SGIP1: variants seen among roughly 807,000 people sequenced by gnomAD.
SGIP1 encodes SH3GL interacting endocytic adaptor 1, also known as SH3-containing GRB2-like protein 3-interacting protein 1.
SGIP1 carries 38 observed loss-of-function variants against 107.5 expected under a neutral mutation model. The observed-to-expected ratio is 0.35, with a 90% CI of 0.27 to 0.46. SGIP1 has a LOEUF of 0.46. Ranked by LOEUF, SGIP1 falls within the 20% of genes least tolerant of loss-of-function variation. The probability of loss-of-function intolerance (pLI) is 1.00; values close to 1 mark genes in which losing one functional copy is unlikely to be tolerated. For missense variants in SGIP1, 929 were observed against 1,019.5 expected (o/e 0.91, Z 1.21); for synonymous variants, 365 against 366.1 (o/e 1.00, Z 0.03).
At chr1:66,621,770 A>G (rs1173344118) in intron 1 of SGIP1, among the ~76,000 whole-genome samples, 1 of 152,214 alleles carries the variant, frequency 6.6e-6, no homozygotes, top group African/African-American at 2.4e-5. Flanking sequence ...TGCAGCCTGT[A>G]TAAGTACTTT....
chr1:66,554,757 G>A (rs984409), intron 1 of SGIP1, among the ~76,000 whole-genome samples: 109,883 of 152,008 alleles, frequency 0.72, 40,443 homozygotes, highest in East Asian at 1. Context: ...CAGAATCTAA[G>A]ACACTTCTGG....
intron 12 of SGIP1, among the ~76,000 whole-genome samples, chr1:66,675,310 G>C (rs2084935887): frequency 6.6e-6 from 1 of 152,076 alleles, no homozygotes; most frequent in East Asian, 1.9e-4. Context: ...CCACCTTTGA[G>C]GCTTGTGGTG....
At chr1:66,733,599 C>T in intron 20 of SGIP1, 149 bp from the exon 21 acceptor site, 2 of 762,702 alleles carry the variant, frequency 2.6e-6, no homozygotes, top group Non-Finnish European at 4.0e-6. Flanking sequence ...TGTATGAAAA[C>T]CACACTACTG....
At chr1:66,547,769 C>T (rs1006671795) in intron 1 of SGIP1, among the ~76,000 whole-genome samples, 5 of 151,926 alleles carry the variant, frequency 3.3e-5, no homozygotes, top group Admixed American at 2.0e-4. Context: ...TCTCAGATTA[C>T]GGTAAAATCA....
At chr1:66,662,628 A>G (rs2081737089) in intron 8 of SGIP1, among the ~76,000 whole-genome samples, 1 of 152,238 alleles carries the variant, frequency 6.6e-6, no homozygotes. Context: ...TTAGAAATAT[A>G]CCACATTCTA....
intron 21 of SGIP1, among the ~76,000 whole-genome samples, chr1:66,736,601 A>C (rs1414836544): frequency 6.9e-6 from 1 of 143,960 alleles, no homozygotes; most frequent in Admixed American, 7.2e-5. Flanking sequence ...ATTATATGTG[A>C]ATATAATATA....
At chr1:66,716,709 A>C (rs1484141310) in intron 18 of SGIP1, among the ~76,000 whole-genome samples, 1 of 152,168 alleles carries the variant, frequency 6.6e-6, no homozygotes, top group Non-Finnish European at 1.5e-5. Context: ...TTTAAATAAT[A>C]AAAATGATGT....
chr1:66,553,748 C>T (rs1271116414), intron 1 of SGIP1, among the ~76,000 whole-genome samples: 1 of 151,976 alleles, frequency 6.6e-6, no homozygotes, highest in Non-Finnish European at 1.5e-5. Flanking sequence ...AATACCTATG[C>T]TCTTCATCAC....
intron 17 of SGIP1, 163 bp from the exon 18 acceptor site, chr1:66,695,271 A>AAAAAAAAAAAAGG: frequency 7.5e-7 from 1 of 1,325,976 alleles, no homozygotes; most frequent in Non-Finnish European, 9.9e-7. Flanking sequence ...AAAAAAAAAA[A>AAAAAAAAAAAAGG]GTGTAGATTG....
intron 1 of SGIP1, among the ~76,000 whole-genome samples, chr1:66,595,505 A>G (rs886372914): frequency 6.6e-6 from 1 of 152,214 alleles, no homozygotes; most frequent in African/African-American, 2.4e-5. Context: ...TTTCACCATA[A>G]TAAGGGTGAT....
rs2091625192 is a variant in SGIP1 at position 66,699,945 on chromosome 1, G to GT, written c.1630+4453dup. On this transcript the variant is annotated intron_variant, in intron 18 of 24. Transcript: ENST00000371037. Reference sequence around the variant, plus strand: ...AAAATAAAAATAATAATGAATATGAGTAACTAACATCTGAGTATTTACCAT... The same window carrying GT: ...AAAATAAAAATAATAATGAATATGAGTTAACTAACATCTGAGTATTTACCAT... Among the ~76,000 whole-genome samples, 3 of 152,250 alleles carry GT rather than the reference G, an allele frequency of 2.0e-5. No individual in the cohort carries two copies. The South Asian group carries it at 6.2e-4, about 32-fold the overall frequency.
intron 13 of SGIP1, among the ~76,000 whole-genome samples, chr1:66,677,605 T>A (rs1352521681): frequency 6.6e-6 from 1 of 152,196 alleles, no homozygotes; most frequent in Non-Finnish European, 1.5e-5. Flanking sequence ...AGTAAATGTA[T>A]GTGAAAGTTG....
chr1:66,582,357 A>C (rs1260168501), intron 1 of SGIP1, among the ~76,000 whole-genome samples: 2 of 152,096 alleles, frequency 1.3e-5, no homozygotes, highest in Non-Finnish European at 2.9e-5. Flanking sequence ...TGAAGGTAGA[A>C]GAACCTTACT....
intron 20 of SGIP1, 29 bp downstream of exon 20, chr1:66,729,448 G>A (rs1213404453): frequency 3.7e-6 from 6 of 1,613,724 alleles, no homozygotes; most frequent in East Asian, 4.5e-5. Context: ...AAATTTTTCA[G>A]AGATACATGT....
intron 5 of SGIP1, among the ~76,000 whole-genome samples, chr1:66,640,651 A>T (rs372396194): frequency 1.3e-5 from 2 of 152,166 alleles, no homozygotes; most frequent in East Asian, 3.9e-4. Flanking sequence ...GCGAAGCTAG[A>T]GAGAGGGGCA....
At chr1:66,732,961 G>A (rs779602104) in intron 20 of SGIP1, among the ~76,000 whole-genome samples, 41 of 152,182 alleles carry the variant, frequency 2.7e-4, no homozygotes, top group South Asian at 8.3e-4. Context: ...TCATTATACG[G>A]GAAATGAGTT....
chr1:66,568,087 C>T (rs2059902214), intron 1 of SGIP1, among the ~76,000 whole-genome samples: 1 of 152,060 alleles, frequency 6.6e-6, no homozygotes, highest in South Asian at 2.1e-4. Flanking sequence ...GTATTAATTA[C>T]TTTGGGTAGT....
chr1:66,599,127 A>T (rs1396331924), intron 1 of SGIP1, among the ~76,000 whole-genome samples: 1 of 152,194 alleles, frequency 6.6e-6, no homozygotes, highest in Non-Finnish European at 1.5e-5. Context: ...ATTTTTTCAA[A>T]CAACTACTAA....
chr1:66,631,653 CTCT>C (rs1558139268), intron 2 of SGIP1, among the ~76,000 whole-genome samples: 5 of 149,230 alleles, frequency 3.4e-5, no homozygotes, highest in African/African-American at 1.2e-4. Flanking sequence ...CTCTGCATTG[CTCT>C]CTCTCTCTCT....
Sources: allele counts gnomAD v4.1 joint callset (sites outside exome capture counted in the v4.1 genomes callset), GRCh38; gene constraint gnomAD v4.1.1; transcripts MANE v1.5; gene names NCBI Gene and HGNC (gene_info 2026-07-23, HGNC 2026-07-21).